The following INO80E variants were observed in gnomAD, a reference collection of about 807,000 sequenced individuals.
The protein encoded by INO80E is coiled-coil domain containing 95.
A neutral mutation model predicts 27.3 loss-of-function variants in INO80E; 20 were observed. That is an observed-to-expected ratio of 0.73 (90% confidence interval 0.51 to 1.06). The LOEUF is 1.06. Ranked by LOEUF, INO80E falls within the 50% of genes least tolerant of loss-of-function variation. The probability of loss-of-function intolerance (pLI) is 0.00; values close to 1 mark genes in which losing one functional copy is unlikely to be tolerated. For missense variants in INO80E, 357 were observed against 322.8 expected (o/e 1.11, Z -0.81); for synonymous variants, 167 against 145.9 (o/e 1.14, Z -1.04).
rs761346635 is a variant in INO80E, at chr16:29,996,836, G to C, written c.181G>C (p.Glu61Gln). 4 of 1,614,170 alleles carry C rather than the reference G, an allele frequency of 2.5e-6. No homozygotes were observed. The highest frequency in any genetic ancestry group is 2.5e-6 in the Non-Finnish European group (3 of 1,180,016). Reference protein sequence around the residue: ...SFLLDRLLQYENVDEDSSDSD... With the variant: ...SFLLDRLLQYQNVDEDSSDSD... Reference sequence around the variant, plus strand: ...CCTCCTAGACCGACTTCTGCAGTACGAGAACGTGGATGAAGACTCTTCGGG... The same window carrying C: ...CCTCCTAGACCGACTTCTGCAGTACCAGAACGTGGATGAAGACTCTTCGGG... Residue 61 changes from glutamate (E) to glutamine (Q), a missense_variant, in exon 3 of 7, where the codon GAG (glutamate) becomes CAG (glutamine). Transcript: ENST00000563197.
intron 3 of INO80E, among the ~76,000 whole-genome samples, chr16:29,998,199 A>G (rs2070209032): frequency 6.6e-6 from 1 of 151,922 alleles, no homozygotes; most frequent in Admixed American, 6.6e-5. Flanking sequence ...GCTGAGGCAG[A>G]AGAATGGCGT....
chr16:30,004,389 G>C (rs548492576), intron 6 of INO80E: 6 of 152,512 alleles, frequency 3.9e-5, no homozygotes, highest in African/African-American at 9.6e-5. Flanking sequence ...ACCTGGCAGC[G>C]GGGGGGAGCT....
rs2070414334 is a variant in INO80E at position 30,003,256 on chromosome 16, G to A, written c.513+1726G>A. The A allele has an allele frequency of 6.6e-6, 1 of 152,474 alleles. No homozygotes were observed. Among genetic ancestry groups the A allele is most frequent in the Non-Finnish European group, 1.5e-5 (1 of 68,262 alleles). 9.4% of individuals were successfully genotyped at this position (152,474 alleles called of 1,614,324 possible). A position where few individuals can be genotyped will look rare whatever the true frequency, so the allele number is the denominator to read the frequency against. ...CAGCAAGGAGAACGTGTAAGCCCAG[G>A]GTGAGTGGATTTGGATATTCCTGGC... On this transcript the variant is annotated intron_variant, in intron 6 of 6. Transcript: ENST00000563197. This position sits in a 1 kb window ranked among gnomAD's most constrained non-coding sequence, Gnocchi z 4.4.
chr16:29,998,581 T>A (rs1008563262), intron 3 of INO80E, among the ~76,000 whole-genome samples: 3 of 152,232 alleles, frequency 2.0e-5, no homozygotes, highest in Non-Finnish European at 4.4e-5. Flanking sequence ...GACTGCTTTT[T>A]TCCCCTTCTT....
Position 29,996,328 on chromosome 16 carries a change from C to T in INO80E, c.18C>T (p.Asp6=). Residue 6 remains aspartate, a synonymous_variant, in exon 1 of 7, where the codon GAC becomes GAT. Coordinates refer to ENST00000563197, the MANE Select transcript of INO80E (RefSeq NM_173618.3). Reference sequence around the variant, plus strand: ...GGCCGGTCATGAACGGGCCGGCGGACGGCGAAGTGGACTACAAAAAAAAAT... The same window carrying T: ...GGCCGGTCATGAACGGGCCGGCGGATGGCGAAGTGGACTACAAAAAAAAAT... MNGPA[D]GEVDYKKKYR... is the part of the protein sequence containing the mutation. The T allele has an allele frequency of 2.5e-6, 4 of 1,595,450 alleles. No homozygotes were observed. The highest frequency in any genetic ancestry group is 1.3e-5 in the African/African-American group (1 of 74,678).
At chr16:30,000,559 C>A (rs1363909055) in intron 3 of INO80E, among the ~76,000 whole-genome samples, 199 bp from the exon 4 acceptor site, 1 of 152,188 alleles carries the variant, frequency 6.6e-6, no homozygotes, top group African/African-American at 2.4e-5. Flanking sequence ...GAGATGAGGT[C>A]TTGCTAGGTT....
intron 3 of INO80E, chr16:29,999,144 T>G (rs539705812): frequency 1.3e-5 from 2 of 152,176 alleles, no homozygotes; most frequent in Admixed American, 1.3e-4. Flanking sequence ...TGATACCCAT[T>G]TGCTTGTTAT....
At chr16:29,997,566 C>T (rs2150922811) in intron 3 of INO80E, among the ~76,000 whole-genome samples, 1 of 152,122 alleles carries the variant, frequency 6.6e-6, no homozygotes, top group African/African-American at 2.4e-5. Flanking sequence ...CCAGCCTGAC[C>T]AACATGGTGA....
At position 30,000,814 on chromosome 16, in the gene INO80E, T is replaced by C. The variant is rs753521318; in HGVS notation, c.262T>C (p.Ser88Pro). 50 of 1,614,050 alleles carry C rather than the reference T, an allele frequency of 3.1e-5. No individual in the cohort carries two copies. Among genetic ancestry groups the C allele is most frequent in the Admixed American group, 1.3e-4 (8 of 60,012 alleles). ...CGAGACGGAGGGGACACCCAAGTTG[T>C]CTGACACACCGGCCCCTAAGAGGTG... ...NSETEGTPKLSDTPAPKRKRS... is the reference protein window; with the variant it reads ...NSETEGTPKLPDTPAPKRKRS... Residue 88 changes from serine (S) to proline (P), a missense_variant, in exon 4 of 7, where the codon TCT (serine) becomes CCT (proline). Coordinates refer to ENST00000563197, the MANE Select transcript of INO80E (RefSeq NM_173618.3).
intron 3 of INO80E, 119 bp downstream of exon 3, chr16:29,996,979 G>A (rs564791431): frequency 1.7e-5 from 16 of 925,762 alleles, no homozygotes; most frequent in Middle Eastern, 2.2e-4. Flanking sequence ...CTTAAGCCTA[G>A]TTGCTTGCCT....
At chr16:30,000,892 C>G in intron 4 of INO80E, 37 bp from the exon 5 acceptor site, 1 of 1,610,986 alleles carries the variant, frequency 6.2e-7, no homozygotes, top group Non-Finnish European at 8.5e-7. Flanking sequence ...CGCCTGGGCT[C>G]CTAGCCACAT....
intron 3 of INO80E, among the ~76,000 whole-genome samples, chr16:29,997,247 A>G (rs2070161787): frequency 6.6e-6 from 1 of 152,222 alleles, no homozygotes; most frequent in African/African-American, 2.4e-5. Context: ...TTGTTTCTGC[A>G]AAGGGCCAGA....
chr16:30,001,370 C>G (rs57312298), intron 5 of INO80E, 44 bp from the exon 6 acceptor site: 10 of 1,545,366 alleles, frequency 6.5e-6, no homozygotes, highest in African/African-American at 2.7e-5. Flanking sequence ...ACCCTCACCC[C>G]GGTCCATTCC....
chr16:30,001,285 C>A, intron 5 of INO80E, 129 bp from the exon 6 acceptor site: 1 of 1,489,836 alleles, frequency 6.7e-7, no homozygotes, highest in South Asian at 1.4e-5. Flanking sequence ...CTTCTGTGCT[C>A]GGGAGCCCCG....
At position 29,996,531 on chromosome 16, in the gene INO80E, C is replaced by T. The variant is rs754886932; in HGVS notation, c.82-16C>T. ...GGAGGACCGTTGGCCCAGCGCACCC[C>T]TTGCCCGTGATACAGGAGCACGAGT... On this transcript the variant is annotated splice_polypyrimidine_tract_variant and intron_variant, in intron 1 of 6. Coordinates refer to ENST00000563197, the MANE Select transcript of INO80E (RefSeq NM_173618.3). The T allele has an allele frequency of 4.9e-5, 76 of 1,559,150 alleles. No individual in the cohort carries two copies. The African/African-American group carries it at 9.3e-4, about 19-fold the overall frequency.
Position 30,003,095 on chromosome 16 carries a change from C to CT in INO80E, c.513+1568dup, listed in dbSNP as rs1237582805. ...CGCAGCACTGGGGGGCACTTTGAGG[C>CT]TTTCTGGCTGGGTGCTGAGTCCTGA... On this transcript the variant is annotated intron_variant, in intron 6 of 6. Coordinates refer to ENST00000563197, the MANE Select transcript of INO80E (RefSeq NM_173618.3). The surrounding 1 kb of genome is among the most constrained non-coding windows in gnomAD (Gnocchi z 4.4). The CT allele has an allele frequency of 6.5e-6, 1 of 152,982 alleles. No individual in the cohort carries two copies. The highest frequency in any genetic ancestry group is 6.5e-5 in the Admixed American group (1 of 15,286). 9.5% of individuals were successfully genotyped at this position (152,982 alleles called of 1,614,324 possible).
chr16:30,005,308 A>AACCCCCCCCCCCCCCC lies in INO80E; in HGVS notation c.601_602insACCCCCCCCCCCCCCC (p.Thr201AsnfsTer12). ...TGGGGCTGGGGTCGGGACAACCCTGACCCCCCTCCCACCCCCTAAGATGCC... is the reference window on the plus strand; with the variant it reads ...TGGGGCTGGGGTCGGGACAACCCTGAACCCCCCCCCCCCCCCCCCCCCTCCCACCCCCTAAGATGCC... On this transcript the variant is annotated frameshift_variant, in exon 7 of 7. Transcript: ENST00000563197. LOFTEE classifies it high-confidence loss of function. The AACCCCCCCCCCCCCCC allele has an allele frequency of 1.9e-6, 1 of 521,332 alleles. No homozygotes were observed. Among genetic ancestry groups the AACCCCCCCCCCCCCCC allele is most frequent in the Non-Finnish European group, 3.0e-6 (1 of 335,732 alleles). The allele number at this position is 521,332 out of a possible 1,614,324, so 32.3% of individuals were successfully genotyped here.
chr16:30,001,867 T>A (rs756487657), intron 6 of INO80E: 66 of 274,512 alleles, frequency 2.4e-4, no homozygotes, highest in Non-Finnish European at 4.1e-4. Context: ...GGATCTAGAG[T>A]CAAGTCAAGA....
At chr16:29,999,531 T>C (rs1252340175) in intron 3 of INO80E, 1 of 152,262 alleles carries the variant, frequency 6.6e-6, no homozygotes, top group Non-Finnish European at 1.5e-5. Flanking sequence ...TCTGGAAGAC[T>C]TCACAGAGGA....
Sources: allele counts gnomAD v4.1 joint callset (sites outside exome capture counted in the v4.1 genomes callset), GRCh38; gene constraint gnomAD v4.1.1; non-coding constraint Gnocchi (gnomAD v3.1); transcripts MANE v1.5; gene names NCBI Gene and HGNC (gene_info 2026-07-23, HGNC 2026-07-21).